Variants in CNGB3 observed in about 807,000 individuals in gnomAD.
CNGB3 encodes cyclic nucleotide gated channel subunit beta 3.
CNGB3 carries 86 observed loss-of-function variants against 92.8 expected under a neutral mutation model. That is an observed-to-expected ratio of 0.93 (90% CI 0.78 to 1.11). The LOEUF is 1.11. Among genes scored for constraint, CNGB3 ranks in the 50% least tolerant of loss-of-function variants. The pLI is 0.00. For synonymous variants in CNGB3, 333 were observed against 332.7 expected, an observed-to-expected ratio of 1.00 and a Z score of -0.01; for missense variants, 1,026 against 956.8, an observed-to-expected ratio of 1.07 and a Z score of -0.95.
chr8:86,616,709 T>C (rs867943484), intron 13 of CNGB3, among the ~76,000 whole-genome samples: 1 of 152,236 alleles, frequency 6.6e-6, no homozygotes, highest in Non-Finnish European at 1.5e-5. Flanking sequence ...TATGTTTTAC[T>C]GTCTTATCCT....
chr8:86,703,873 A>G (rs1586026899), intron 3 of CNGB3: 2 of 152,286 alleles, frequency 1.3e-5, no homozygotes, highest in East Asian at 1.9e-4. Flanking sequence ...GATATTTTTC[A>G]AATTTACTAT....
intron 13 of CNGB3, among the ~76,000 whole-genome samples, chr8:86,618,338 A>C (rs1822655995): frequency 6.6e-6 from 1 of 152,216 alleles, no homozygotes; most frequent in East Asian, 1.9e-4. Context: ...ATGATCAGGC[A>C]GGGCCACAGG....
At chr8:86,672,585 A>C (rs1011532041) in intron 3 of CNGB3, among the ~76,000 whole-genome samples, 4 of 152,078 alleles carry the variant, frequency 2.6e-5, no homozygotes, top group African/African-American at 9.7e-5. Flanking sequence ...TACTCTTCTC[A>C]TATCTGCCCT....
At chr8:86,654,614 A>G (rs1160738822) in intron 6 of CNGB3, among the ~76,000 whole-genome samples, 1 of 152,230 alleles carries the variant, frequency 6.6e-6, no homozygotes, top group Non-Finnish European at 1.5e-5. Context: ...AGCCCAATAA[A>G]TATTTATTAA....
At chr8:86,580,377 T>C (rs891513956) in intron 15 of CNGB3, among the ~76,000 whole-genome samples, 4 of 152,238 alleles carry the variant, frequency 2.6e-5, no homozygotes, top group African/African-American at 9.6e-5. Context: ...GTTTACTCAA[T>C]TGCCTCACTT....
At chr8:86,687,464 T>C (rs1824211015) in intron 3 of CNGB3, among the ~76,000 whole-genome samples, 2 of 152,012 alleles carry the variant, frequency 1.3e-5, no homozygotes, top group South Asian at 2.1e-4. Context: ...ATTTCATTCA[T>C]ATGAGATAAC....
At chr8:86,589,770 A>G (rs1395582326) in intron 15 of CNGB3, among the ~76,000 whole-genome samples, 2 of 151,930 alleles carry the variant, frequency 1.3e-5, no homozygotes, top group East Asian at 1.9e-4. Context: ...TATGTGGTCA[A>G]TTTTGGAATA....
At chr8:86,683,104 C>T (rs976648102) in intron 3 of CNGB3, among the ~76,000 whole-genome samples, 2 of 152,072 alleles carry the variant, frequency 1.3e-5, no homozygotes, top group African/African-American at 4.8e-5. Context: ...CAGCTTTTTT[C>T]TCTGAAAGTA....
rs185376340 is a variant in CNGB3 at position 86,715,043 on chromosome 8, G to A, written c.338+11488C>T. On this transcript the variant is annotated intron_variant, in intron 3 of 17. Transcript: ENST00000320005. Reference sequence around the variant, plus strand: ...CACCTACGCCTACCCCCACCTGGTGGTCTTTCTTTACCCACTCCGTTTGCT... The same window carrying A: ...CACCTACGCCTACCCCCACCTGGTGATCTTTCTTTACCCACTCCGTTTGCT... Among the ~76,000 whole-genome samples, 228 of 152,134 alleles carry A rather than the reference G, an allele frequency of 1.5e-3. 1 individual carries two copies. The highest frequency in any genetic ancestry group is 6.8e-3 in the Middle Eastern group (2 of 294).
chr8:86,711,430 A>G (rs574240721), intron 3 of CNGB3, among the ~76,000 whole-genome samples: 2 of 152,284 alleles, frequency 1.3e-5, no homozygotes, highest in Non-Finnish European at 2.9e-5. Context: ...GAAAGTCTTC[A>G]TTTAAGTACC....
chr8:86,729,733 C>T (rs1218265150), intron 2 of CNGB3, among the ~76,000 whole-genome samples: 1 of 152,170 alleles, frequency 6.6e-6, no homozygotes, highest in Non-Finnish European at 1.5e-5. Flanking sequence ...TTTGTGGAAA[C>T]AGATGGTCAG....
At chr8:86,690,080 T>G (rs1350330161) in intron 3 of CNGB3, among the ~76,000 whole-genome samples, 1 of 152,236 alleles carries the variant, frequency 6.6e-6, no homozygotes, top group Non-Finnish European at 1.5e-5. Flanking sequence ...ATATACCCAG[T>G]AATGGGATGG....
intron 13 of CNGB3, among the ~76,000 whole-genome samples, chr8:86,623,265 A>T (rs917868057): frequency 6.6e-6 from 1 of 152,180 alleles, no homozygotes; most frequent in Admixed American, 6.5e-5. Flanking sequence ...GAAATTTTCA[A>T]CTGGAATCTA....
At chr8:86,647,658 G>A (rs1823314955) in intron 8 of CNGB3, 143 bp downstream of exon 8, 1 of 603,452 alleles carries the variant, frequency 1.7e-6, no homozygotes, top group Non-Finnish European at 3.0e-6. Flanking sequence ...CATTGATGAG[G>A]GCAGAAAGAT....
At chr8:86,600,776 ATTTTTTTTTTTTTTT>A (rs533111246) in intron 15 of CNGB3, among the ~76,000 whole-genome samples, 10 of 38,402 alleles carry the variant, frequency 2.6e-4, no homozygotes, top group East Asian at 1.6e-3. Flanking sequence ...CGCTCGGCTA[ATTTTTTTTTTTTTTT>A]TTTTTTTTTT....
intron 15 of CNGB3, among the ~76,000 whole-genome samples, chr8:86,595,836 G>A (rs1822160702): frequency 6.6e-6 from 1 of 152,116 alleles, no homozygotes; most frequent in African/African-American, 2.4e-5. Context: ...ATGATTTAAA[G>A]GTTAAAAGGA....
At chr8:86,635,612 C>G (rs1164099164) in intron 10 of CNGB3, among the ~76,000 whole-genome samples, 1 of 151,368 alleles carries the variant, frequency 6.6e-6, no homozygotes, top group Admixed American at 6.6e-5. Flanking sequence ...ACATCTTACA[C>G]CTAGACATGC....
intron 6 of CNGB3, among the ~76,000 whole-genome samples, chr8:86,662,900 G>C (rs1823671523): frequency 6.6e-6 from 1 of 150,806 alleles, no homozygotes; most frequent in African/African-American, 2.5e-5. Flanking sequence ...CTAAGGAAAA[G>C]TCCTGCAACA....
In CNGB3 at chr8:86,626,048, T is replaced by C. The variant is rs148248467; in HGVS notation, c.1513A>G (p.Thr505Ala). ...ESDLLKTLPT[T>A]VQLALAIDVN... ...TCAATGGCGAGGGCTAACTGGACCG[T>C]AGTTGGTAGGGTCTTAAGCAAATCA... The change falls in exon 13 of 18, where the codon ACG becomes GCG. Residue 505 changes from threonine (T) to alanine (A), a missense_variant. Physicochemically the swap from Thr to Ala is moderately conservative, Grantham distance 58 (BLOSUM62 0). Transcript: ENST00000320005. 3.0e-5 allele frequency: 49 copies of C among 1,613,630 alleles called. No individual in the cohort carries two copies. Among genetic ancestry groups the C allele is most frequent in the Non-Finnish European group, 4.0e-5 (47 of 1,179,806 alleles).
Sources: gnomAD v4.1 joint callset for allele counts (sites outside exome capture counted in the v4.1 genomes callset) on GRCh38, gnomAD v4.1.1 for gene constraint, MANE v1.5 for transcripts, NCBI Gene and HGNC (gene_info 2026-07-23, HGNC 2026-07-21) for gene names.